Variants in FHIT observed in about 807,000 individuals in gnomAD.
FHIT encodes bis(5'-adenosyl)-triphosphatase.
In FHIT, 19 loss-of-function variants were observed where a neutral mutation model predicts 17.9. The ratio of observed to expected loss-of-function variants is 1.06; its 90% CI spans 0.74 to 1.56. The LOEUF (loss-of-function observed/expected upper bound fraction) is 1.56, where lower values mean the gene tolerates loss of function less well. Among genes scored for constraint, FHIT ranks in the 40% most tolerant of loss-of-function variants. The pLI, the probability that FHIT is intolerant of heterozygous loss-of-function variation, is 0.00. For missense variants in FHIT, 248 were observed against 189.2 expected (o/e 1.31, Z -1.82); for synonymous variants, 81 against 69.7 (o/e 1.16, Z -0.81).
intron 4 of FHIT, among the ~76,000 whole-genome samples, chr3:60,805,818 C>A (rs1214339766): frequency 6.6e-6 from 1 of 152,140 alleles, no homozygotes; most frequent in Non-Finnish European, 1.5e-5. Context: ...CTCGGCCTCC[C>A]AAAGTGCTGG....
intron 7 of FHIT, among the ~76,000 whole-genome samples, chr3:59,948,530 TA>T (rs199516436): frequency 0.011 from 1,663 of 149,966 alleles, 26 homozygotes; most frequent in African/African-American, 0.037. Flanking sequence ...AAAATAAAAA[TA>T]AAAAAAAATA....
chr3:60,528,807 C>A (rs992492824), intron 5 of FHIT, among the ~76,000 whole-genome samples: 1 of 152,158 alleles, frequency 6.6e-6, no homozygotes, highest in Non-Finnish European at 1.5e-5. Context: ...CACCTCTTTT[C>A]TTCCTCCCCT....
chr3:60,699,990 G>A (rs1453287906), intron 4 of FHIT, among the ~76,000 whole-genome samples: 2 of 151,838 alleles, frequency 1.3e-5, no homozygotes, highest in South Asian at 2.1e-4. Context: ...AAAGTAGCCA[G>A]GTGTGGGGTG....
intron 7 of FHIT, among the ~76,000 whole-genome samples, chr3:60,006,163 C>A (rs802778): frequency 0.16 from 25,004 of 152,076 alleles, 2,422 homozygotes; most frequent in East Asian, 0.39. Flanking sequence ...ACACCAGAGG[C>A]TAAAAATGTT....
At chr3:60,234,630 T>G (rs752608689) in intron 5 of FHIT, among the ~76,000 whole-genome samples, 2 of 152,210 alleles carry the variant, frequency 1.3e-5, no homozygotes, top group Non-Finnish European at 2.9e-5. Context: ...GTCAGCATAA[T>G]AAGCAAGTTT....
intron 4 of FHIT, among the ~76,000 whole-genome samples, chr3:60,737,896 A>G (rs1447080484): frequency 6.6e-6 from 1 of 152,234 alleles, no homozygotes; most frequent in African/African-American, 2.4e-5. Context: ...GGCCATTTAC[A>G]TAAGTCATGA....
At chr3:60,499,840 T>C (rs1458687714) in intron 5 of FHIT, among the ~76,000 whole-genome samples, 1 of 152,162 alleles carries the variant, frequency 6.6e-6, no homozygotes, top group Non-Finnish European at 1.5e-5. Flanking sequence ...AAGAGAAGAC[T>C]TCCCTACCAC....
intron 3 of FHIT, among the ~76,000 whole-genome samples, chr3:60,871,264 T>C (rs1704404250): frequency 6.6e-6 from 1 of 152,152 alleles, no homozygotes; most frequent in Admixed American, 6.6e-5. Context: ...AGTGAAACTA[T>C]AGAGAGCTTT....
intron 4 of FHIT, among the ~76,000 whole-genome samples, chr3:60,700,466 C>CAGTATGGTTAT (rs1416749706): frequency 6.6e-6 from 1 of 152,090 alleles, no homozygotes; most frequent in African/African-American, 2.4e-5. Flanking sequence ...TAATATTTCA[C>CAGTATGGTTAT]AGTATGGTTA....
At chr3:59,940,717 A>G (rs1017821444) in intron 7 of FHIT, among the ~76,000 whole-genome samples, 1 of 152,162 alleles carries the variant, frequency 6.6e-6, no homozygotes, top group Non-Finnish European at 1.5e-5. Context: ...TTTGGGTTCT[A>G]TATTTATAAA....
chr3:60,932,367 C>T (rs1708000662), intron 3 of FHIT, among the ~76,000 whole-genome samples: 1 of 152,150 alleles, frequency 6.6e-6, no homozygotes, highest in African/African-American at 2.4e-5. Flanking sequence ...CTCTTCTCCA[C>T]CCTTCTCTGC....
At chr3:60,911,606 G>A (rs1706749377) in intron 3 of FHIT, among the ~76,000 whole-genome samples, 1 of 152,162 alleles carries the variant, frequency 6.6e-6, no homozygotes, top group Admixed American at 6.5e-5. Context: ...TTCCAGCACT[G>A]TCAGTTTCTT....
intron 3 of FHIT, among the ~76,000 whole-genome samples, chr3:60,859,593 C>T (rs1703536229): frequency 6.6e-6 from 1 of 151,960 alleles, no homozygotes; most frequent in African/African-American, 2.4e-5. Context: ...TCTCCTTTTC[C>T]CTTCTCAGGC....
intron 7 of FHIT, among the ~76,000 whole-genome samples, chr3:59,944,061 A>G (rs2107278765): frequency 6.6e-6 from 1 of 152,368 alleles, no homozygotes; most frequent in East Asian, 1.9e-4. Context: ...GCTATGATTT[A>G]ACATTTTTAT....
intron 7 of FHIT, among the ~76,000 whole-genome samples, chr3:59,997,491 C>T: frequency 6.6e-6 from 1 of 152,096 alleles, no homozygotes; most frequent in Non-Finnish European, 1.5e-5. Context: ...TTAGTCGTTG[C>T]TGGAGGAATT....
At chr3:60,928,033 T>C (rs971703403) in intron 3 of FHIT, among the ~76,000 whole-genome samples, 76 of 152,218 alleles carry the variant, frequency 5.0e-4, no homozygotes, top group Non-Finnish European at 1.6e-4. Flanking sequence ...CTCTGAAACA[T>C]GTGCTGTGTC....
intron 8 of FHIT, among the ~76,000 whole-genome samples, chr3:59,809,145 G>A (rs1700317719): frequency 6.6e-6 from 1 of 152,146 alleles, no homozygotes. Context: ...CTCCAAAAAT[G>A]CATGTCCACC....
At chr3:60,298,040 G>A (rs185381184) in intron 5 of FHIT, among the ~76,000 whole-genome samples, 125 of 152,206 alleles carry the variant, frequency 8.2e-4, no homozygotes, top group African/African-American at 2.6e-3. Context: ...CCAGATGGAA[G>A]AGATGGAGAG....
chr3:60,863,634 T>A (rs1319560486), intron 3 of FHIT, among the ~76,000 whole-genome samples: 3 of 152,214 alleles, frequency 2.0e-5, no homozygotes, highest in African/African-American at 7.2e-5. Flanking sequence ...TTGTTAAAAA[T>A]ATGCATACAG....
Sources: gnomAD v4.1 joint callset for allele counts (sites outside exome capture counted in the v4.1 genomes callset) on GRCh38, gnomAD v4.1.1 for gene constraint, MANE v1.5 for transcripts, NCBI Gene and HGNC (gene_info 2026-07-23, HGNC 2026-07-21) for gene names.